Variants in STYK1 observed in about 807,000 individuals in gnomAD.
STYK1 encodes STY kinase 1.
Under a neutral mutation model 48.1 loss-of-function variants are expected in STYK1, and 46 were observed. That is an observed-to-expected ratio of 0.96 (90% CI 0.75 to 1.22). The LOEUF is 1.22. Among genes scored for constraint, STYK1 ranks in the 50% most tolerant of loss-of-function variants. STYK1 has a pLI of 0.00. For synonymous variants in STYK1, 188 were observed against 189.0 expected, an observed-to-expected ratio of 0.99 and a Z score of 0.04; for missense variants, 527 against 521.1, an observed-to-expected ratio of 1.01 and a Z score of -0.11.
intron 1 of STYK1, among the ~76,000 whole-genome samples, chr12:10,644,505 A>G (rs1156541833): frequency 1.3e-5 from 2 of 152,334 alleles, no homozygotes; most frequent in East Asian, 1.9e-4. Flanking sequence ...TGAACCTTTA[A>G]TCATTTCAAA....
At chr12:10,632,477 T>C (rs371852675) in intron 4 of STYK1, among the ~76,000 whole-genome samples, 157 of 152,116 alleles carry the variant, frequency 1.0e-3, no homozygotes, top group African/African-American at 2.7e-3. Context: ...TGGAGAGTAG[T>C]AGGAGACAAG....
chr12:10,631,264 C>T lies in STYK1; in HGVS notation c.232G>A (p.Gly78Arg). ...PPPRDLSWEA[G>R]HGGNVALPLK... ...GGCAAAGCCACATTTCCTCCATGTCCTGCTTCCCAGCTTAGGTCCCTAGGT... is the reference window on the plus strand; with the variant it reads ...GGCAAAGCCACATTTCCTCCATGTCTTGCTTCCCAGCTTAGGTCCCTAGGT... Residue 78 changes from glycine to arginine, a missense_variant, in exon 5 of 11, where the codon GGA (glycine) becomes AGA (arginine). Coordinates refer to ENST00000075503, the MANE Select transcript of STYK1 (RefSeq NM_018423.3). The T allele has an allele frequency of 6.2e-7, 1 of 1,614,236 alleles. No individual in the cohort carries two copies. The highest frequency in any genetic ancestry group is 8.5e-7 in the Non-Finnish European group (1 of 1,180,040).
At chr12:10,622,513 T>C in intron 9 of STYK1, 125 bp downstream of exon 9, 1 of 1,027,208 alleles carries the variant, frequency 9.7e-7, no homozygotes, top group Non-Finnish European at 1.5e-6. Flanking sequence ...AGATAACATG[T>C]CAGTCCATTT....
At chr12:10,670,568 G>T (rs1237735648) in intron 1 of STYK1, among the ~76,000 whole-genome samples, 3 of 151,858 alleles carry the variant, frequency 2.0e-5, no homozygotes, top group African/African-American at 7.2e-5. Flanking sequence ...ACCAGAGGTT[G>T]GGGGAATTCG....
intron 7 of STYK1, 144 bp downstream of exon 7, chr12:10,627,497 C>T (rs1947371530): frequency 1.6e-6 from 1 of 637,190 alleles, no homozygotes; most frequent in Admixed American, 3.4e-5. Context: ...TTTATCCATG[C>T]TTGAGTTTCT....
chr12:10,636,617 T>C (rs902998633), intron 2 of STYK1, among the ~76,000 whole-genome samples: 9 of 152,164 alleles, frequency 5.9e-5, no homozygotes, highest in Admixed American at 5.2e-4. Context: ...AAATAAAACG[T>C]TGGATCAGCA....
intron 1 of STYK1, among the ~76,000 whole-genome samples, chr12:10,640,239 G>A (rs1273892133): frequency 6.6e-6 from 1 of 152,144 alleles, no homozygotes; most frequent in Non-Finnish European, 1.5e-5. Context: ...AGGGGACAGG[G>A]CACTGGCTTA....
chr12:10,672,566 C>T lies in STYK1; in HGVS notation c.-195+1400G>A, dbSNP rs1165566362. ...TTAGATTGTCATAGGAGCGTGAACC[C>T]TATTGTGAACTGCTCATGTGAGGGA... On this transcript the variant is annotated intron_variant, in intron 1 of 10. Transcript: ENST00000075503. The surrounding 1 kb of genome is among the most constrained non-coding windows in gnomAD (Gnocchi z 4.0). Among the ~76,000 whole-genome samples, 2 of 152,100 alleles carry T rather than the reference C, an allele frequency of 1.3e-5. No homozygotes were observed. The highest frequency in any genetic ancestry group is 2.1e-4 in the South Asian group (1 of 4,826).
At position 10,634,042 on chromosome 12, in the gene STYK1, C is replaced by T. The variant is rs766766721; in HGVS notation, c.135G>A (p.Leu45=). 4 of 1,614,126 alleles carry T rather than the reference C, an allele frequency of 2.5e-6. No homozygotes were observed. The highest frequency in any genetic ancestry group is 1.3e-5 in the African/African-American group (1 of 75,034). Residue 45 remains leucine, a synonymous_variant, in exon 4 of 11, where the codon CTG becomes CTA. Transcript: ENST00000075503. ...TIFLILLGVI[L]WLFIREQRTQ... ...TTCTTTGTTCTCTGATAAAAAGCCACAGGATGACCCCAAGAAGGATGAGGA... is the reference window on the plus strand; with the variant it reads ...TTCTTTGTTCTCTGATAAAAAGCCATAGGATGACCCCAAGAAGGATGAGGA...
chr12:10,620,371 T>C (rs777417372), intron 10 of STYK1, 23 bp from the exon 11 acceptor site: 1 of 1,609,070 alleles, frequency 6.2e-7, no homozygotes, highest in Non-Finnish European at 8.5e-7. Flanking sequence ...CAAGAGAAAC[T>C]GACTTCCTTG....
Position 10,620,210 on chromosome 12 carries a change from A to G in STYK1, c.1203T>C (p.Pro401=), listed in dbSNP as rs1865883943. The change falls in exon 11 of 11, where the codon CCT becomes CCC. Residue 401 remains proline, a synonymous_variant. Coordinates refer to ENST00000075503, the MANE Select transcript of STYK1 (RefSeq NM_018423.3). ...AVLQVPELVV[P]ELYAAVAGIR... ...TGCCGGCCACAGCTGCATACAGTTC[A>G]GGTACCACCAACTCTGGTACTTGTA... 6.2e-7 allele frequency: 1 copy of G among 1,614,082 alleles called. No individual in the cohort carries two copies. The highest frequency in any genetic ancestry group is 1.3e-5 in the African/African-American group (1 of 74,934).
At chr12:10,627,800 A>C (rs1182832082) in intron 6 of STYK1, 76 bp from the exon 7 acceptor site, 1 of 1,251,116 alleles carries the variant, frequency 8.0e-7, no homozygotes, top group Non-Finnish European at 1.1e-6. Flanking sequence ...AGTTGGGCAG[A>C]GATACTCTGA....
At chr12:10,644,804 G>GT (rs140895964) in intron 1 of STYK1, among the ~76,000 whole-genome samples, 21,184 of 152,112 alleles carry the variant, frequency 0.14, 1,933 homozygotes, top group Middle Eastern at 0.27. Flanking sequence ...TGACTTTTAA[G>GT]TAGAATATTA....
intron 1 of STYK1, among the ~76,000 whole-genome samples, chr12:10,641,748 C>T (rs7136237): frequency 2.1e-3 from 326 of 152,228 alleles, no homozygotes; most frequent in African/African-American, 7.4e-3. Flanking sequence ...AAACTCCTGG[C>T]GAGAGGAAAA....
At chr12:10,655,825 C>T (rs1381076908) in intron 1 of STYK1, among the ~76,000 whole-genome samples, 1 of 152,170 alleles carries the variant, frequency 6.6e-6, no homozygotes, top group African/African-American at 2.4e-5. Flanking sequence ...GATTTAAAAG[C>T]ATTTTTGAAG....
intron 1 of STYK1, among the ~76,000 whole-genome samples, chr12:10,639,346 TCATA>T (rs1218489050): frequency 6.6e-6 from 1 of 152,146 alleles, no homozygotes; most frequent in Admixed American, 6.5e-5. Flanking sequence ...CTAGGCACTT[TCATA>T]CAAAGAAGGC....
chr12:10,657,843 C>A (rs987884365), intron 1 of STYK1, among the ~76,000 whole-genome samples: 1 of 152,188 alleles, frequency 6.6e-6, no homozygotes, highest in Non-Finnish European at 1.5e-5. Context: ...AACATTGTAA[C>A]ATATAATTGA....
At chr12:10,622,161 T>C (rs1436941208) in intron 9 of STYK1, among the ~76,000 whole-genome samples, 189 bp from the exon 10 acceptor site, 2 of 152,106 alleles carry the variant, frequency 1.3e-5, no homozygotes, top group African/African-American at 2.4e-5. Flanking sequence ...GAAAGGTGTT[T>C]TGGAGAAAAA....
intron 1 of STYK1, among the ~76,000 whole-genome samples, chr12:10,661,620 C>T (rs1231256822): frequency 6.6e-6 from 1 of 152,212 alleles, no homozygotes; most frequent in African/African-American, 2.4e-5. Flanking sequence ...GTTAGGCACT[C>T]TTCCAAGCAC....
Sources: allele counts gnomAD v4.1 joint callset (sites outside exome capture counted in the v4.1 genomes callset), GRCh38; gene constraint gnomAD v4.1.1; non-coding constraint Gnocchi (gnomAD v3.1); transcripts MANE v1.5; gene names NCBI Gene and HGNC (gene_info 2026-07-23, HGNC 2026-07-21).